Variants in FMN1 observed in about 807,000 individuals in gnomAD.
FMN1 encodes formin 1, also known as formin-1.
A neutral mutation model predicts 132.4 loss-of-function variants in FMN1; 110 were observed. The ratio of observed to expected loss-of-function variants is 0.83; its 90% CI spans 0.71 to 0.97. The LOEUF (loss-of-function observed/expected upper bound fraction) is 0.97. Ranked by LOEUF, FMN1 falls within the 50% of genes least tolerant of loss-of-function variation. The pLI is 0.00. For synonymous variants in FMN1, 722 were observed against 651.7 expected, an observed-to-expected ratio of 1.11 and a Z score of -1.64; for missense variants, 1,792 against 1,705.3, an observed-to-expected ratio of 1.05 and a Z score of -0.90.
chr15:33,184,332 C>T (rs1171040831), intron 2 of FMN1, among the ~76,000 whole-genome samples: 3 of 152,102 alleles, frequency 2.0e-5, no homozygotes, highest in African/African-American at 7.2e-5. Flanking sequence ...GTATTTCCTA[C>T]TCTTTCTAAA....
At chr15:32,929,421 C>A (rs1042263703) in intron 9 of FMN1, among the ~76,000 whole-genome samples, 17 of 152,230 alleles carry the variant, frequency 1.1e-4, no homozygotes, top group African/African-American at 4.1e-4. Flanking sequence ...ACACTAATTT[C>A]TCTTTATTTT....
intron 6 of FMN1, among the ~76,000 whole-genome samples, chr15:33,020,002 G>T (rs976788748): frequency 6.6e-6 from 1 of 152,198 alleles, no homozygotes; most frequent in East Asian, 1.9e-4. Flanking sequence ...GAGCGAGCGA[G>T]GGCTGCCAGC....
intron 4 of FMN1, among the ~76,000 whole-genome samples, chr15:33,123,365 C>T (rs1480389907): frequency 6.6e-6 from 1 of 152,122 alleles, no homozygotes; most frequent in African/African-American, 2.4e-5. Context: ...CTGAATCTGG[C>T]ATTCAAAGCC....
chr15:32,904,354 T>C (rs1332272939), intron 12 of FMN1, among the ~76,000 whole-genome samples: 1 of 152,198 alleles, frequency 6.6e-6, no homozygotes, highest in African/African-American at 2.4e-5. Flanking sequence ...TAAAATTGTG[T>C]TCTGTATTCT....
intron 19 of FMN1, among the ~76,000 whole-genome samples, chr15:32,791,453 A>T (rs2057075145): frequency 6.6e-6 from 1 of 151,188 alleles, no homozygotes; most frequent in African/African-American, 2.4e-5. Context: ...TCTTTCCTTT[A>T]TTTCATGAGC....
At chr15:33,151,500 GCT>G (rs770884405) in intron 4 of FMN1, 74 of 965,122 alleles carry the variant, frequency 7.7e-5, no homozygotes, top group Middle Eastern at 6.3e-4. Context: ...AACTGAATGT[GCT>G]CTGTGTGCCT....
chr15:32,839,686 T>C (rs1255236155), intron 17 of FMN1, among the ~76,000 whole-genome samples: 2 of 151,702 alleles, frequency 1.3e-5, no homozygotes, highest in African/African-American at 4.8e-5. Flanking sequence ...CTTGCACCCA[T>C]CAGTGTCCTG....
intron 4 of FMN1, among the ~76,000 whole-genome samples, chr15:33,112,641 C>G (rs1253013935): frequency 1.3e-5 from 2 of 152,182 alleles, no homozygotes; most frequent in Non-Finnish European, 1.5e-5. Context: ...AGCTCATCAA[C>G]TGACTGGCCT....
chr15:32,821,124 A>G (rs1173534134), intron 17 of FMN1, among the ~76,000 whole-genome samples: 1 of 124,092 alleles, frequency 8.1e-6, no homozygotes, highest in Non-Finnish European at 1.8e-5. Flanking sequence ...ACAATTTTCT[A>G]AGAGATAATC....
intron 17 of FMN1, among the ~76,000 whole-genome samples, chr15:32,806,994 AG>A (rs1239886543): frequency 1.3e-5 from 2 of 152,204 alleles, no homozygotes; most frequent in Admixed American, 1.3e-4. Context: ...TGTAAGCTCT[AG>A]GAGGGCAGCA....
intron 3 of FMN1, among the ~76,000 whole-genome samples, chr15:33,178,194 T>C (rs983774382): frequency 1.3e-5 from 2 of 152,204 alleles, no homozygotes; most frequent in African/African-American, 4.8e-5. Flanking sequence ...TCCACTTCTA[T>C]TCTAGAAGAA....
chr15:33,041,959 T>C (rs950518376), intron 6 of FMN1, among the ~76,000 whole-genome samples: 11 of 152,082 alleles, frequency 7.2e-5, no homozygotes, highest in Admixed American at 1.3e-4. Context: ...ATCATTAAGA[T>C]AGTAAACTTC....
chr15:32,962,123 A>ATTC (rs1391361943), intron 9 of FMN1, among the ~76,000 whole-genome samples: 1 of 151,828 alleles, frequency 6.6e-6, no homozygotes, highest in Non-Finnish European at 1.5e-5. Flanking sequence ...TATTATTATT[A>ATTC]TTATTATTTT....
chr15:33,122,823 A>G (rs1361716274), intron 4 of FMN1, among the ~76,000 whole-genome samples: 2 of 152,184 alleles, frequency 1.3e-5, no homozygotes, highest in Non-Finnish European at 2.9e-5. Context: ...GGGAACTGGA[A>G]TATTTCTTAT....
chr15:32,882,834 A>G (rs997736013), intron 16 of FMN1, among the ~76,000 whole-genome samples: 1 of 152,208 alleles, frequency 6.6e-6, no homozygotes, highest in African/African-American at 2.4e-5. Context: ...GCTTCCTAAG[A>G]TAATATCAAC....
intron 5 of FMN1, among the ~76,000 whole-genome samples, chr15:33,083,132 A>C (rs2141334582): frequency 6.6e-6 from 1 of 152,322 alleles, no homozygotes; most frequent in Middle Eastern, 3.4e-3. Context: ...TGAGAAATAC[A>C]CTGTATATTT....
intron 15 of FMN1, among the ~76,000 whole-genome samples, chr15:32,896,021 T>G (rs2141559039): frequency 6.6e-6 from 1 of 152,248 alleles, no homozygotes; most frequent in African/African-American, 2.4e-5. Context: ...TTATTTTTCA[T>G]TTATTTCTAC....
chr15:32,935,293 T>A (rs928430616), intron 9 of FMN1, among the ~76,000 whole-genome samples: 1 of 152,212 alleles, frequency 6.6e-6, no homozygotes, highest in Non-Finnish European at 1.5e-5. Flanking sequence ...TATTACCCTA[T>A]ATCCTTCTGG....
rs2056249110 is a variant in FMN1, at chr15:32,771,648, C to G, written c.*2662G>C. On this transcript the variant is annotated 3_prime_UTR_variant, in exon 21 of 21. Coordinates refer to ENST00000616417, the MANE Select transcript of FMN1 (RefSeq NM_001277313.2). ...AAACTGGTTACTCTCCTTTCTAGTT[C>G]AGGGAGGGCTATGCCTAGAACAGCC... is the stretch of plus-strand genomic sequence containing the variant. 1 of 152,174 alleles carries G rather than the reference C, an allele frequency of 6.6e-6. No individual in the cohort carries two copies. The highest frequency in any genetic ancestry group is 2.4e-5 in the African/African-American group (1 of 41,442). The allele number at this position is 152,174 out of a possible 1,614,324, so 9.4% of individuals were successfully genotyped here.
Sources: gnomAD v4.1 joint callset for allele counts (sites outside exome capture counted in the v4.1 genomes callset) on GRCh38, gnomAD v4.1.1 for gene constraint, MANE v1.5 for transcripts, NCBI Gene and HGNC (gene_info 2026-07-23, HGNC 2026-07-21) for gene names.